Variants in ZNF251 observed in about 807,000 individuals in gnomAD.
ZNF251 encodes the protein zinc finger protein 251.
In ZNF251, 14 loss-of-function variants were observed where a neutral mutation model predicts 13.5. That is an observed-to-expected ratio of 1.04 (90% CI 0.69 to 1.63). The LOEUF is 1.63. Ranked by LOEUF, ZNF251 falls within the 40% of genes most tolerant of loss-of-function variation. ZNF251 has a pLI of 0.00. For missense variants in ZNF251, 764 were observed against 834.9 expected, an observed-to-expected ratio of 0.92 and a Z score of 1.05; for synonymous variants, 287 against 295.2, an observed-to-expected ratio of 0.97 and a Z score of 0.28.
Position 144,734,568 on chromosome 8 carries a change from G to A in ZNF251, c.278-11186C>T, listed in dbSNP as rs990853330. On this transcript the variant is annotated intron_variant, in intron 4 of 4. Coordinates refer to ENST00000292562, the MANE Select transcript of ZNF251 (RefSeq NM_138367.2). This position sits in a 1 kb window ranked among gnomAD's most constrained non-coding sequence, Gnocchi z 4.4. The stretch of plus-strand genomic sequence containing the variant: ...GCCAACCCTGACACCAGAAAATGAC[G>A]GCGCTGGTGGGTGCTGACCCTGGGT... 2.0e-5 allele frequency among the ~76,000 whole-genome samples: 3 copies of A among 152,142 alleles called. No individual in the cohort carries two copies. The East Asian group carries it at 5.8e-4, about 29-fold the overall frequency.
intron 4 of ZNF251, among the ~76,000 whole-genome samples, chr8:144,735,529 C>G (rs992359243): frequency 6.6e-6 from 1 of 152,122 alleles, no homozygotes; most frequent in African/African-American, 2.4e-5. Flanking sequence ...GGACACTGGC[C>G]CACATCCCCC....
Position 144,722,640 on chromosome 8 carries a change from C to T in ZNF251, c.1020G>A (p.Gln340=), listed in dbSNP as rs766031622. The T allele has an allele frequency of 1.9e-6, 3 of 1,614,184 alleles. No individual in the cohort carries two copies. The highest frequency in any genetic ancestry group is 1.7e-6 in the Non-Finnish European group (2 of 1,180,024). The change falls in exon 5 of 5, where the codon CAG becomes CAA. Residue 340 remains glutamine, a synonymous_variant. Coordinates refer to ENST00000292562, the MANE Select transcript of ZNF251 (RefSeq NM_138367.2). This position sits in a 1 kb window ranked among gnomAD's most constrained non-coding sequence, Gnocchi z 4.8. ...GCGGCTTCTCTCCAGTGTGAATTCTCTGATGCTGAGTTAACTGGGGGCTCT... is the reference window on the plus strand; with the variant it reads ...GCGGCTTCTCTCCAGTGTGAATTCTTTGATGCTGAGTTAACTGGGGGCTCT... ...FSQSPQLTQH[Q]RIHTGEKPHE... is the part of the protein sequence containing the mutation.
At position 144,722,238 on chromosome 8, in the gene ZNF251, G is replaced by A; in HGVS notation, c.1422C>T (p.Ser474=). 6.2e-7 allele frequency: 1 copy of A among 1,613,448 alleles called. No individual in the cohort carries two copies. Residue 474 remains serine (S), a synonymous_variant, in exon 5 of 5, where the codon TCC becomes TCT. Transcript: ENST00000292562. This position sits in a 1 kb window ranked among gnomAD's most constrained non-coding sequence, Gnocchi z 4.8. ...GAACTCGCTGATGTAGGGTGAGCTGGGAGCTCTGGCTGAAAGCTTTCCCAC... is the reference window on the plus strand; with the variant it reads ...GAACTCGCTGATGTAGGGTGAGCTGAGAGCTCTGGCTGAAAGCTTTCCCAC... The part of the protein sequence containing the change: ...VECGKAFSQS[S]QLTLHQRVHT...
rs1230906199 is a variant in ZNF251, at chr8:144,721,986, T to A, written c.1674A>T (p.Thr558=). 2.6e-6 allele frequency: 4 copies of A among 1,556,858 alleles called. No homozygotes were observed. The highest frequency in any genetic ancestry group is 4.5e-5 in the East Asian group (2 of 44,360). Residue 558 remains threonine, a synonymous_variant, in exon 5 of 5, where the codon ACA becomes ACT. Coordinates refer to ENST00000292562, the MANE Select transcript of ZNF251 (RefSeq NM_138367.2). The part of the protein sequence containing the change: ...NHGANLILRW[T]VHTGEKSFGC... ...CAAAGGATTTCTCACCAGTGTGAAC[T>A]GTCCAGCGCAGAATGAGATTTGCAC... is the stretch of plus-strand genomic sequence containing the variant.
Position 144,722,521 on chromosome 8 carries a change from T to C in ZNF251, c.1139A>G (p.Asn380Ser), listed in dbSNP as rs778960619. Residue 380 changes from asparagine (N) to serine (S), a missense_variant, in exon 5 of 5, where the codon AAT becomes AGT. Coordinates refer to ENST00000292562, the MANE Select transcript of ZNF251 (RefSeq NM_138367.2). This position sits in a 1 kb window ranked among gnomAD's most constrained non-coding sequence, Gnocchi z 4.8. Reference protein sequence around the residue: ...IHTGEKPHKCNQCGKAFSQSS... With the variant: ...IHTGEKPHKCSQCGKAFSQSS... ...CTGACTGAAGGCCTTCCCACACTGA[T>C]TGCATTTATGGGGCTTCTCTCCAGT... 2.5e-6 allele frequency: 4 copies of C among 1,612,084 alleles called. No homozygotes were observed. The highest frequency in any genetic ancestry group is 1.7e-5 in the Admixed American group (1 of 59,850).
chr8:144,728,856 A>AG (rs1184984625), intron 4 of ZNF251, among the ~76,000 whole-genome samples: 1 of 151,874 alleles, frequency 6.6e-6, no homozygotes, highest in Admixed American at 6.6e-5. Context: ...TTGGAGGCCC[A>AG]GGGGGGCAGA....
In ZNF251 at chr8:144,721,964, A is replaced by C; in HGVS notation, c.1696T>G (p.Phe566Val). The change falls in exon 5 of 5, where the codon TTT becomes GTT. Residue 566 changes from phenylalanine to valine, a missense_variant. Physicochemically the swap from Phe to Val is conservative, Grantham distance 50. Transcript: ENST00000292562. ...RWTVHTGEKS[F>V]GCNEYGKAFS... is the part of the protein sequence containing the mutation. Reference sequence around the variant, plus strand: ...GCTTTTCCATATTCATTACATCCAAAGGATTTCTCACCAGTGTGAACTGTC... The same window carrying C: ...GCTTTTCCATATTCATTACATCCAACGGATTTCTCACCAGTGTGAACTGTC... The C allele has an allele frequency of 6.5e-7, 1 of 1,528,740 alleles. No homozygotes were observed. The highest frequency in any genetic ancestry group is 8.8e-7 in the Non-Finnish European group (1 of 1,138,026). The allele number at this position is 1,528,740 out of a possible 1,614,324, so 94.7% of individuals were successfully genotyped here.
intron 4 of ZNF251, among the ~76,000 whole-genome samples, chr8:144,727,228 G>A (rs754556212): frequency 6.6e-6 from 1 of 152,202 alleles, no homozygotes; most frequent in East Asian, 1.9e-4. Flanking sequence ...TTCCTAATCT[G>A]TGCCGGTTCC....
intron 4 of ZNF251, among the ~76,000 whole-genome samples, chr8:144,729,376 G>A (rs1281625762): frequency 2.1e-5 from 3 of 146,168 alleles, no homozygotes; most frequent in Non-Finnish European, 3.0e-5. Context: ...TTGCTCTGTC[G>A]CCCAGGCTGG....
At chr8:144,723,548 C>T (rs1823432521) in intron 4 of ZNF251, among the ~76,000 whole-genome samples, 166 bp from the exon 5 acceptor site, 1 of 152,152 alleles carries the variant, frequency 6.6e-6, no homozygotes, top group Non-Finnish European at 1.5e-5. Flanking sequence ...GGCCAATCAA[C>T]AGGATAAAAA....
At chr8:144,749,570 G>A (rs1231667177) in intron 4 of ZNF251, among the ~76,000 whole-genome samples, 1 of 152,102 alleles carries the variant, frequency 6.6e-6, no homozygotes, top group African/African-American at 2.4e-5. Flanking sequence ...TCTACTTTTT[G>A]CCCTTGTTCT....
intron 4 of ZNF251, among the ~76,000 whole-genome samples, chr8:144,747,367 C>A (rs1465416018): frequency 6.6e-6 from 1 of 152,162 alleles, no homozygotes; most frequent in East Asian, 1.9e-4. Flanking sequence ...TTTTGTGGCC[C>A]AGAATGTGGT....
In ZNF251 at chr8:144,724,113, A is replaced by G. The variant is rs532087013; in HGVS notation, c.278-731T>C. 1.6e-4 allele frequency among the ~76,000 whole-genome samples: 24 copies of G among 152,032 alleles called. No homozygotes were observed. In the South Asian group the frequency reaches 1.7e-3, roughly 11 times the overall value. ...AAAAAAATTAGCCAGTCGAGGTGGCAGGCGCCCGTAGTCCCAGCTACTCAG... is the reference window on the plus strand; with the variant it reads ...AAAAAAATTAGCCAGTCGAGGTGGCGGGCGCCCGTAGTCCCAGCTACTCAG... On this transcript the variant is annotated intron_variant, in intron 4 of 4. Transcript: ENST00000292562.
At chr8:144,739,861 C>T (rs1333380485) in intron 4 of ZNF251, among the ~76,000 whole-genome samples, 1 of 151,606 alleles carries the variant, frequency 6.6e-6, no homozygotes. Context: ...CACCACTGCA[C>T]TCCAGCCTTG....
At position 144,722,692 on chromosome 8, in the gene ZNF251, C is replaced by T; in HGVS notation, c.968G>A (p.Cys323Tyr). ...GCTAAAGCCTCTTCCACATTCATTACACTTGTAGGGTTTCTCTCCTGTGTG... is the reference window on the plus strand; with the variant it reads ...GCTAAAGCCTCTTCCACATTCATTATACTTGTAGGGTTTCTCTCCTGTGTG... ...IIHTGEKPYKCNECGRGFSQS... is the reference protein window; with the variant it reads ...IIHTGEKPYKYNECGRGFSQS... The change falls in exon 5 of 5, where the codon TGT becomes TAT. Residue 323 changes from cysteine to tyrosine, a missense_variant. Physicochemically the swap from Cys to Tyr is radical, Grantham distance 194. Coordinates refer to ENST00000292562, the MANE Select transcript of ZNF251 (RefSeq NM_138367.2). The surrounding 1 kb of genome is among the most constrained non-coding windows in gnomAD (Gnocchi z 4.8). 1 of 1,614,152 alleles carries T rather than the reference C, an allele frequency of 6.2e-7. No homozygotes were observed. The highest frequency in any genetic ancestry group is 8.5e-7 in the Non-Finnish European group (1 of 1,179,988).
chr8:144,749,188 T>A (rs1824572390), intron 4 of ZNF251, among the ~76,000 whole-genome samples: 1 of 152,050 alleles, frequency 6.6e-6, no homozygotes, highest in African/African-American at 2.4e-5. Flanking sequence ...AAATAACTTT[T>A]TAAAAAGGGG....
chr8:144,753,875 G>GTGCACGTGTGTACGCC, intron 3 of ZNF251, 79 bp from the exon 4 acceptor site: 3 of 1,103,510 alleles, frequency 2.7e-6, no homozygotes, highest in Non-Finnish European at 3.9e-6. Flanking sequence ...TGGGCCCTGT[G>GTGCACGTGTGTACGCC]TGCACGTGTG....
chr8:144,736,114 C>A lies in ZNF251; in HGVS notation c.278-12732G>T, dbSNP rs1823882329. On this transcript the variant is annotated intron_variant, in intron 4 of 4. Transcript: ENST00000292562. ...CATCATGGGACAACCAGAAAACAAGCTGGTGGCCGTCAAACACCTGGGCTC... is the reference window on the plus strand; with the variant it reads ...CATCATGGGACAACCAGAAAACAAGATGGTGGCCGTCAAACACCTGGGCTC... Among the ~76,000 whole-genome samples, 3 of 152,238 alleles carry A rather than the reference C, an allele frequency of 2.0e-5. No individual in the cohort carries two copies. In the South Asian group the frequency reaches 6.2e-4, roughly 32 times the overall value.
At chr8:144,740,742 T>C (rs753397937) in intron 4 of ZNF251, among the ~76,000 whole-genome samples, 1 of 152,034 alleles carries the variant, frequency 6.6e-6, no homozygotes, top group Non-Finnish European at 1.5e-5. Context: ...GAGACCAGCC[T>C]GACCAACATG....
Sources: allele counts gnomAD v4.1 joint callset (sites outside exome capture counted in the v4.1 genomes callset), GRCh38; gene constraint gnomAD v4.1.1; non-coding constraint Gnocchi (gnomAD v3.1); transcripts MANE v1.5; gene names NCBI Gene and HGNC (gene_info 2026-07-23, HGNC 2026-07-21).